Variants in RAPGEF4 observed in about 807,000 individuals in gnomAD.
RAPGEF4 encodes RAP guanine-nucleotide-exchange factor (GEF) 4.
A neutral mutation model predicts 147.9 loss-of-function variants in RAPGEF4; 66 were observed. That is an observed-to-expected ratio of 0.45 (90% CI 0.37 to 0.55). The LOEUF (loss-of-function observed/expected upper bound fraction) is 0.55, where lower values mean the gene tolerates loss of function less well. RAPGEF4 is among the 20% of genes least tolerant of loss of function. RAPGEF4 has a pLI of 0.00. For synonymous variants in RAPGEF4, 419 were observed against 442.7 expected (o/e 0.95, Z 0.67); for missense variants, 1,071 against 1,257.3 (o/e 0.85, Z 2.24).
intron 4 of RAPGEF4, among the ~76,000 whole-genome samples, chr2:172,829,682 T>TG (rs1690077176): frequency 2.0e-5 from 3 of 152,056 alleles, no homozygotes; most frequent in Admixed American, 1.3e-4. Flanking sequence ...AATTCAGTGA[T>TG]GGGAGCTTTT....
chr2:172,850,636 A>G (rs1044140077), intron 4 of RAPGEF4, among the ~76,000 whole-genome samples: 1 of 152,134 alleles, frequency 6.6e-6, no homozygotes, highest in Admixed American at 6.5e-5. Context: ...AAAAATTAAC[A>G]GATATTATTT....
chr2:173,000,009 A>G (rs191803069), intron 16 of RAPGEF4, among the ~76,000 whole-genome samples: 1 of 152,354 alleles, frequency 6.6e-6, no homozygotes, highest in East Asian at 1.9e-4. Context: ...CTGGGTGCAT[A>G]TAAGCAAGTA....
intron 17 of RAPGEF4, among the ~76,000 whole-genome samples, chr2:173,012,223 C>T (rs1695095423): frequency 1.3e-5 from 2 of 152,128 alleles, no homozygotes; most frequent in South Asian, 4.1e-4. Context: ...CTCAGGTACC[C>T]GGTGAGGAAC....
chr2:172,891,745 G>A (rs1697943143), intron 4 of RAPGEF4, among the ~76,000 whole-genome samples: 1 of 152,164 alleles, frequency 6.6e-6, no homozygotes, highest in Admixed American at 6.6e-5. Context: ...GACTTGGTCT[G>A]CCTTTATTCC....
At chr2:172,832,287 G>A (rs1031866788) in intron 4 of RAPGEF4, among the ~76,000 whole-genome samples, 2 of 152,050 alleles carry the variant, frequency 1.3e-5, no homozygotes, top group Non-Finnish European at 2.9e-5. Context: ...GGAGTGAGTG[G>A]GGCAGGTAAA....
intron 4 of RAPGEF4, among the ~76,000 whole-genome samples, chr2:172,858,373 T>C (rs1693676383): frequency 6.6e-6 from 1 of 152,236 alleles, no homozygotes; most frequent in Admixed American, 6.5e-5. Flanking sequence ...ATCTTGTTCA[T>C]GTATGTTACT....
chr2:172,894,279 C>T (rs1265912565), intron 4 of RAPGEF4: 1 of 152,222 alleles, frequency 6.6e-6, no homozygotes, highest in Admixed American at 6.5e-5. Context: ...CTGCTTAGGA[C>T]TTTTTCAGTT....
At chr2:172,962,832 A>G (rs1346068528) in intron 8 of RAPGEF4, among the ~76,000 whole-genome samples, 1 of 152,148 alleles carries the variant, frequency 6.6e-6, no homozygotes, top group Non-Finnish European at 1.5e-5. Flanking sequence ...GGATGTTTAC[A>G]TTTGTAAGTC....
Position 172,843,210 on chromosome 2 carries a change from G to T in RAPGEF4, c.444+28785G>T, listed in dbSNP as rs150158872. Among the ~76,000 whole-genome samples, 3 of 152,286 alleles carry T rather than the reference G, an allele frequency of 2.0e-5. No individual in the cohort carries two copies. In the East Asian group the frequency reaches 5.8e-4, roughly 29 times the overall value. ...GACTGGAAAAAAGTGACAGGAAAGA[G>T]AGAAATTACCAGGAATAATACGATG... is the stretch of plus-strand genomic sequence containing the variant. On this transcript the variant is annotated intron_variant, in intron 4 of 30. Coordinates refer to ENST00000397081, the MANE Select transcript of RAPGEF4 (RefSeq NM_007023.4).
rs1483680844 is a variant in RAPGEF4 at position 172,961,110 on chromosome 2, A to C, written c.592-12A>C. 6.4e-7 allele frequency: 1 copy of C among 1,561,618 alleles called. No homozygotes were observed. The highest frequency in any genetic ancestry group is 8.8e-7 in the Non-Finnish European group (1 of 1,132,718). On this transcript the variant is annotated splice_polypyrimidine_tract_variant and intron_variant, in intron 7 of 30. Transcript: ENST00000397081. ...CTTTCTCCTCCCCTCCTTCCACCTG[A>C]TTACAATCCAGGTCCCTTCAGAGAA...
intron 1 of RAPGEF4, among the ~76,000 whole-genome samples, chr2:172,753,785 A>T (rs1695513418): frequency 6.6e-6 from 1 of 152,148 alleles, no homozygotes; most frequent in African/African-American, 2.4e-5. Context: ...AACATGAGTG[A>T]CATGTGACAT....
At chr2:173,035,119 A>G (rs1683783250) in intron 27 of RAPGEF4, among the ~76,000 whole-genome samples, 1 of 151,634 alleles carries the variant, frequency 6.6e-6, no homozygotes, top group Non-Finnish European at 1.5e-5. Flanking sequence ...CAGTGGTGCA[A>G]TCATGACTCA....
intron 6 of RAPGEF4, among the ~76,000 whole-genome samples, chr2:172,947,863 G>A (rs1687833225): frequency 1.3e-5 from 2 of 151,962 alleles, no homozygotes; most frequent in South Asian, 4.2e-4. Flanking sequence ...CATCATTTAG[G>A]TCAGTACATT....
chr2:172,778,789 T>C (rs1183727861), intron 1 of RAPGEF4, among the ~76,000 whole-genome samples: 2 of 152,228 alleles, frequency 1.3e-5, no homozygotes, highest in African/African-American at 2.4e-5. Flanking sequence ...TTAGGAAAAT[T>C]AGCATAGGCT....
intron 6 of RAPGEF4, among the ~76,000 whole-genome samples, chr2:172,930,782 C>G (rs1413258654): frequency 6.6e-6 from 1 of 152,036 alleles, no homozygotes; most frequent in Non-Finnish European, 1.5e-5. Flanking sequence ...TTTGTTTGTG[C>G]TAATTTATTT....
intron 1 of RAPGEF4, among the ~76,000 whole-genome samples, chr2:172,744,649 T>C (rs763837001): frequency 5.9e-5 from 9 of 152,228 alleles, no homozygotes; most frequent in Non-Finnish European, 1.3e-4. Flanking sequence ...TACTTATTCT[T>C]TCTGATTTTT....
chr2:172,923,146 C>G (rs1276063080), intron 6 of RAPGEF4, among the ~76,000 whole-genome samples: 2 of 152,186 alleles, frequency 1.3e-5, no homozygotes. Flanking sequence ...CATATCCGTT[C>G]TCAGATATCA....
intron 29 of RAPGEF4, among the ~76,000 whole-genome samples, chr2:173,045,612 C>T (rs1685370040): frequency 6.6e-6 from 1 of 152,208 alleles, no homozygotes; most frequent in Admixed American, 6.5e-5. Context: ...TGTAAACTGT[C>T]ATGGTGCCCG....
intron 1 of RAPGEF4, among the ~76,000 whole-genome samples, chr2:172,753,673 TA>T (rs1416148596): frequency 3.9e-5 from 6 of 152,090 alleles, no homozygotes; most frequent in Admixed American, 2.0e-4. Flanking sequence ...AACAAATTAG[TA>T]ATAAGTGAAA....
Sources: gnomAD v4.1 joint callset for allele counts (sites outside exome capture counted in the v4.1 genomes callset) on GRCh38, gnomAD v4.1.1 for gene constraint, MANE v1.5 for transcripts, NCBI Gene and HGNC (gene_info 2026-07-23, HGNC 2026-07-21) for gene names.